STRN: variants seen among roughly 807,000 people sequenced by gnomAD.
The protein encoded by STRN is protein phosphatase 2 regulatory subunit B'''alpha.
A neutral mutation model predicts 96.3 loss-of-function variants in STRN; 53 were observed. That is an observed-to-expected ratio of 0.55 (90% CI 0.44 to 0.69). STRN has a LOEUF of 0.69. Among genes scored for constraint, STRN ranks in the 30% least tolerant of loss-of-function variants. STRN has a pLI of 0.00. For missense variants in STRN, 987 were observed against 963.9 expected (o/e 1.02, Z -0.32); for synonymous variants, 428 against 355.9 (o/e 1.20, Z -2.28).
chr2:36,952,400 A>C (rs1572698195), intron 1 of STRN, among the ~76,000 whole-genome samples: 1 of 150,576 alleles, frequency 6.6e-6, no homozygotes, highest in South Asian at 2.1e-4. Context: ...CAGGCAAACA[A>C]GGGAGAAGAA....
At chr2:36,895,781 A>G in intron 6 of STRN, among the ~76,000 whole-genome samples, 1 of 148,474 alleles carries the variant, frequency 6.7e-6, no homozygotes. Flanking sequence ...AAAATTAGCG[A>G]GGCATGGTGG....
At position 36,923,593 on chromosome 2, in the gene STRN, T is replaced by A. The variant is rs185071853; in HGVS notation, c.338+1512A>T. Among the ~76,000 whole-genome samples, 921 of 152,336 alleles carry A rather than the reference T, an allele frequency of 6.0e-3. 10 individuals are homozygous for A. The highest frequency in any genetic ancestry group is 0.02 in the African/African-American group (826 of 41,582). On this transcript the variant is annotated intron_variant, in intron 2 of 17. Transcript: ENST00000263918. ...ATTTTTCACTAAGAGGTCAACCTAT[T>A]TTCAATCTCTTACACCATTTAAAGA...
intron 3 of STRN, among the ~76,000 whole-genome samples, chr2:36,913,355 T>A (rs1670011117): frequency 6.6e-6 from 1 of 152,204 alleles, no homozygotes; most frequent in African/African-American, 2.4e-5. Flanking sequence ...TATCCAGGTA[T>A]CCCATTTCTC....
chr2:36,889,409 G>C (rs1186200688), intron 7 of STRN, among the ~76,000 whole-genome samples: 3 of 151,888 alleles, frequency 2.0e-5, no homozygotes, highest in African/African-American at 7.3e-5. Flanking sequence ...AATTAAAAAT[G>C]TTAATTTTCA....
rs773584687 is a variant in STRN at position 36,839,293 on chromosome 2, C to T, written c.*10163G>A. On this transcript the variant is annotated 3_prime_UTR_variant, in exon 18 of 18. Transcript: ENST00000263918. Reference sequence around the variant, plus strand: ...ATTCCCTATATTTTCACTTGTTCCCCCACCTGGAATGTGCTGCATCAGGTG... The same window carrying T: ...ATTCCCTATATTTTCACTTGTTCCCTCACCTGGAATGTGCTGCATCAGGTG... Among the ~76,000 whole-genome samples, 1 of 152,102 alleles carries T rather than the reference C, an allele frequency of 6.6e-6. No homozygotes were observed. The highest frequency in any genetic ancestry group is 1.9e-4 in the East Asian group (1 of 5,194).
At position 36,884,062 on chromosome 2, in the gene STRN, T is replaced by C. The variant is rs770593394; in HGVS notation, c.1056A>G (p.Ser352=). 26 of 1,371,126 alleles carry C rather than the reference T, an allele frequency of 1.9e-5. No individual in the cohort carries two copies. The highest frequency in any genetic ancestry group is 1.9e-4 in the Middle Eastern group (1 of 5,178). 84.9% of individuals were successfully genotyped at this position (1,371,126 alleles called of 1,614,324 possible). Residue 352 remains serine (S), a synonymous_variant, in exon 9 of 18, where the codon TCA becomes TCG. Coordinates refer to ENST00000263918, the MANE Select transcript of STRN (RefSeq NM_003162.4). ...GKKGVKRPNR[S]KLQDMLANLR... is the part of the protein sequence containing the mutation. Reference sequence around the variant, plus strand: ...AATTAGCAAGCATATCTTGTAGTTTTGACCTATTGGGCCCTAGCCAAAAAA... The same window carrying C: ...AATTAGCAAGCATATCTTGTAGTTTCGACCTATTGGGCCCTAGCCAAAAAA...
chr2:36,876,541 T>C (rs1344689516), intron 10 of STRN, among the ~76,000 whole-genome samples: 2 of 152,094 alleles, frequency 1.3e-5, no homozygotes, highest in Non-Finnish European at 2.9e-5. Flanking sequence ...GGAGTGCTTC[T>C]TTACCGTACC....
chr2:36,957,733 C>A (rs1469005292), intron 1 of STRN, among the ~76,000 whole-genome samples: 4 of 113,370 alleles, frequency 3.5e-5, no homozygotes, highest in Non-Finnish European at 7.7e-5. Flanking sequence ...TCTCATAGTT[C>A]TTCTTTTTGT....
intron 1 of STRN, among the ~76,000 whole-genome samples, chr2:36,932,222 T>C (rs1210286052): frequency 6.6e-6 from 1 of 152,132 alleles, no homozygotes; most frequent in African/African-American, 2.4e-5. Flanking sequence ...TGGCGTGATC[T>C]CGGCTCACTG....
At chr2:36,886,207 T>C (rs183688788) in intron 8 of STRN, among the ~76,000 whole-genome samples, 48 of 152,252 alleles carry the variant, frequency 3.2e-4, no homozygotes, top group African/African-American at 1.1e-3. Flanking sequence ...AAGTTATATA[T>C]TTGACTCTGT....
At chr2:36,889,083 T>C (rs1283174238) in intron 7 of STRN, among the ~76,000 whole-genome samples, 2 of 152,150 alleles carry the variant, frequency 1.3e-5, no homozygotes, top group African/African-American at 4.8e-5. Flanking sequence ...TTCCATAGCA[T>C]TTATCACCTT....
chr2:36,910,510 G>T (rs527828093), intron 3 of STRN, among the ~76,000 whole-genome samples: 31 of 152,312 alleles, frequency 2.0e-4, no homozygotes, highest in African/African-American at 7.2e-4. Flanking sequence ...TACTATCCAT[G>T]AAGTGGTGTA....
intron 1 of STRN, among the ~76,000 whole-genome samples, chr2:36,958,805 T>C (rs1664958994): frequency 1.3e-5 from 2 of 152,138 alleles, no homozygotes; most frequent in African/African-American, 2.4e-5. Flanking sequence ...TCAAGGAGTC[T>C]AATGAAGTCC....
At chr2:36,889,099 A>G (rs1669319281) in intron 7 of STRN, among the ~76,000 whole-genome samples, 1 of 152,164 alleles carries the variant, frequency 6.6e-6, no homozygotes, top group Admixed American at 6.5e-5. Context: ...ACCTTCTGAC[A>G]TACTATATCC....
Position 36,847,380 on chromosome 2 carries a change from A to T in STRN, c.*2076T>A, listed in dbSNP as rs1311275642. On this transcript the variant is annotated 3_prime_UTR_variant, in exon 18 of 18. Coordinates refer to ENST00000263918, the MANE Select transcript of STRN (RefSeq NM_003162.4). The stretch of plus-strand genomic sequence containing the variant: ...CATCATAAATACACCAAGTAATGGC[A>T]TCTTCCTTCCTTCCTTCCTGGAAGG... 6.6e-6 allele frequency: 1 copy of T among 152,174 alleles called. No individual in the cohort carries two copies. Among genetic ancestry groups the T allele is most frequent in the Non-Finnish European group, 1.5e-5 (1 of 68,016 alleles). The allele number at this position is 152,174 out of a possible 1,614,324, so 9.4% of individuals were successfully genotyped here.
At chr2:36,930,498 G>T (rs1177957017) in intron 1 of STRN, among the ~76,000 whole-genome samples, 3 of 151,742 alleles carry the variant, frequency 2.0e-5, no homozygotes, top group African/African-American at 7.3e-5. Context: ...TCACCCAGAT[G>T]ACTTGTTAAA....
At chr2:36,861,498 A>C (rs964007212) in intron 12 of STRN, among the ~76,000 whole-genome samples, 9 of 152,208 alleles carry the variant, frequency 5.9e-5, no homozygotes, top group Non-Finnish European at 8.8e-5. Context: ...CAAGCTAAGA[A>C]TGGTCTTTAC....
chr2:36,899,760 T>C (rs752641842), intron 5 of STRN, 102 bp from the exon 6 acceptor site: 7 of 1,106,658 alleles, frequency 6.3e-6, no homozygotes, highest in Non-Finnish European at 8.8e-6. Context: ...ATGGTAACTA[T>C]AAATCCCAAA....
At chr2:36,919,751 G>A (rs937784614) in intron 2 of STRN, among the ~76,000 whole-genome samples, 4 of 152,148 alleles carry the variant, frequency 2.6e-5, no homozygotes, top group East Asian at 3.8e-4. Flanking sequence ...CTACAGTAGG[G>A]TAGATAAAAG....
Sources: allele counts gnomAD v4.1 joint callset (sites outside exome capture counted in the v4.1 genomes callset), GRCh38; gene constraint gnomAD v4.1.1; transcripts MANE v1.5; gene names NCBI Gene and HGNC (gene_info 2026-07-23, HGNC 2026-07-21).